TFF1: variants seen among roughly 807,000 people sequenced by gnomAD.
The protein encoded by TFF1 is breast cancer estrogen-inducible protein.
In TFF1, 8 loss-of-function variants were observed where a neutral mutation model predicts 7.7. The ratio of observed to expected loss-of-function variants is 1.04; its 90% CI spans 0.61 to 1.87. The LOEUF is 1.87. Ranked by LOEUF, TFF1 falls within the 40% of genes most tolerant of loss-of-function variation. The pLI is 0.00. For synonymous variants in TFF1, 47 were observed against 44.8 expected, an observed-to-expected ratio of 1.05 and a Z score of -0.19; for missense variants, 120 against 113.4, an observed-to-expected ratio of 1.06 and a Z score of -0.26.
intron 2 of TFF1, among the ~76,000 whole-genome samples, 154 bp from the exon 3 acceptor site, chr21:42,362,649 T>C (rs1417754088): frequency 6.6e-6 from 1 of 152,246 alleles, no homozygotes. Context: ...GGCTCACGCC[T>C]GTAATCCCAG....
At chr21:42,365,026 T>G (rs2052268569) in intron 1 of TFF1, among the ~76,000 whole-genome samples, 1 of 152,192 alleles carries the variant, frequency 6.6e-6, no homozygotes, top group Non-Finnish European at 1.5e-5. Flanking sequence ...CCCGGTGCTC[T>G]GCCTCCGGCA....
At chr21:42,363,212 C>T in intron 2 of TFF1, 43 bp downstream of exon 2, 1 of 1,613,342 alleles carries the variant, frequency 6.2e-7, no homozygotes, top group South Asian at 1.1e-5. Context: ...ACTTTTCTAA[C>T]TAATTCTAAA....
chr21:42,364,292 G>A (rs1395846535), intron 1 of TFF1, among the ~76,000 whole-genome samples: 1 of 152,136 alleles, frequency 6.6e-6, no homozygotes. Flanking sequence ...GGTTCACCAG[G>A]TGAAGATGGA....
intron 1 of TFF1, among the ~76,000 whole-genome samples, chr21:42,365,524 C>T (rs59565056): frequency 5.9e-5 from 9 of 152,196 alleles, no homozygotes; most frequent in South Asian, 2.1e-4. Context: ...AGTGGGGGCA[C>T]GGACAGCACC....
chr21:42,365,451 C>A (rs1383200205), intron 1 of TFF1, among the ~76,000 whole-genome samples: 1 of 152,150 alleles, frequency 6.6e-6, no homozygotes, highest in African/African-American at 2.4e-5. Flanking sequence ...CTCTTCTACG[C>A]TGCCCAAGCC....
At chr21:42,366,328 A>G (rs1460904722) in intron 1 of TFF1, 83 bp downstream of exon 1, 6 of 1,086,886 alleles carry the variant, frequency 5.5e-6, no homozygotes, top group Non-Finnish European at 6.6e-6. Flanking sequence ...GGTGCTCAAA[A>G]ATATGTATGT....
chr21:42,364,613 G>A (rs1301317342), intron 1 of TFF1, among the ~76,000 whole-genome samples: 3 of 152,344 alleles, frequency 2.0e-5, no homozygotes, highest in Middle Eastern at 3.4e-3. Context: ...TTGACAGCCT[G>A]CAGCAGGGGG....
At chr21:42,363,995 T>C (rs2052259790) in intron 1 of TFF1, among the ~76,000 whole-genome samples, 1 of 151,552 alleles carries the variant, frequency 6.6e-6, no homozygotes, top group East Asian at 1.9e-4. Flanking sequence ...TAATCCCAGC[T>C]ACTTGGGAGG....
At position 42,363,235 on chromosome 21, in the gene TFF1, A is replaced by G. The variant is rs748876386; in HGVS notation, c.238+20T>C. The G allele has an allele frequency of 6.2e-7, 1 of 1,614,084 alleles. No homozygotes were observed. The highest frequency in any genetic ancestry group is 1.7e-5 in the Admixed American group (1 of 60,010). ...AACTAATTCTAAATCTTCAGAACCC[A>G]TCGTATAAAAAGGCCATACCTTCTG... On this transcript the variant is annotated intron_variant, in intron 2 of 2. Transcript: ENST00000291527.
intron 1 of TFF1, 73 bp from the exon 2 acceptor site, chr21:42,363,480 C>T (rs1404235988): frequency 1.3e-6 from 2 of 1,516,338 alleles, no homozygotes; most frequent in Non-Finnish European, 1.8e-6. Context: ...ACACACCCAT[C>T]CAGCTTCCTT....
At chr21:42,365,271 G>A (rs559914643) in intron 1 of TFF1, among the ~76,000 whole-genome samples, 1 of 152,054 alleles carries the variant, frequency 6.6e-6, no homozygotes, top group South Asian at 2.1e-4. Flanking sequence ...GGCAGAGCTG[G>A]GGGCTGGGGT....
At chr21:42,363,733 A>G (rs1326551986) in intron 1 of TFF1, among the ~76,000 whole-genome samples, 1 of 152,248 alleles carries the variant, frequency 6.6e-6, no homozygotes, top group African/African-American at 2.4e-5. Context: ...TGTGCATGAG[A>G]AGTGGGAGCT....
chr21:42,365,284 G>A (rs2052270532), intron 1 of TFF1, among the ~76,000 whole-genome samples: 1 of 151,946 alleles, frequency 6.6e-6, no homozygotes. Flanking sequence ...GCTGGGGTGG[G>A]GGCAAGGGCG....
chr21:42,363,959 T>G (rs969770174), intron 1 of TFF1, among the ~76,000 whole-genome samples: 17 of 151,750 alleles, frequency 1.1e-4, no homozygotes, highest in Non-Finnish European at 2.4e-4. Flanking sequence ...TACAAAAAAT[T>G]AGGCGGGCAT....
chr21:42,362,825 G>A (rs558915529), intron 2 of TFF1, among the ~76,000 whole-genome samples: 3 of 150,938 alleles, frequency 2.0e-5, no homozygotes, highest in African/African-American at 7.3e-5. Flanking sequence ...GTTGAACTCA[G>A]GAGGCAGAGA....
chr21:42,364,682 G>C, intron 1 of TFF1, among the ~76,000 whole-genome samples: 1 of 152,242 alleles, frequency 6.6e-6, no homozygotes, highest in East Asian at 1.9e-4. Flanking sequence ...CATAGGAGGG[G>C]AGGAACTCAG....
Position 42,362,386 on chromosome 21 carries a change from G to A in TFF1, c.*93C>T. On this transcript the variant is annotated 3_prime_UTR_variant, in exon 3 of 3. Coordinates refer to ENST00000291527, the MANE Select transcript of TFF1 (RefSeq NM_003225.3). The stretch of plus-strand genomic sequence containing the variant: ...GCACAGCTGCAGAAGCGTGTCTGAG[G>A]TGTCCGGTGGAGGTGGCAGCCGAGC... 1 of 1,422,672 alleles carries A rather than the reference G, an allele frequency of 7.0e-7. No individual in the cohort carries two copies. The highest frequency in any genetic ancestry group is 9.6e-7 in the Non-Finnish European group (1 of 1,039,886). 88.1% of individuals were successfully genotyped at this position (1,422,672 alleles called of 1,614,324 possible).
chr21:42,362,639 G>A, intron 2 of TFF1, 144 bp from the exon 3 acceptor site: 1 of 999,912 alleles, frequency 1.0e-6, no homozygotes, highest in Non-Finnish European at 1.4e-6. Flanking sequence ...CGGGCACGGT[G>A]GCTCACGCCT....
rs373326118 is a variant in TFF1, at chr21:42,366,519, G to C, written c.-24C>G. 1 of 1,595,786 alleles carries C rather than the reference G, an allele frequency of 6.3e-7. No homozygotes were observed. The highest frequency in any genetic ancestry group is 8.6e-7 in the Non-Finnish European group (1 of 1,167,222). Reference sequence around the variant, plus strand: ...ATTGCCTCCTCTCTGCTCCAAAGGCGACCCCGAGTCAGGGATGAGAGGCCG... The same window carrying C: ...ATTGCCTCCTCTCTGCTCCAAAGGCCACCCCGAGTCAGGGATGAGAGGCCG... On this transcript the variant is annotated 5_prime_UTR_variant, in exon 1 of 3. Transcript: ENST00000291527.
Sources: allele counts gnomAD v4.1 joint callset (sites outside exome capture counted in the v4.1 genomes callset), GRCh38; gene constraint gnomAD v4.1.1; transcripts MANE v1.5; gene names NCBI Gene and HGNC (gene_info 2026-07-23, HGNC 2026-07-21).